The following PRDM16 variants were observed in gnomAD, a reference collection of about 807,000 sequenced individuals.
PRDM16 encodes the protein histone-lysine N-methyltransferase PRDM16.
PRDM16 carries 23 observed loss-of-function variants against 110.6 expected under a neutral mutation model. That is an observed-to-expected ratio of 0.21 (90% confidence interval 0.15 to 0.29). The LOEUF (loss-of-function observed/expected upper bound fraction) is 0.29, where lower values mean the gene tolerates loss of function less well. Ranked by LOEUF, PRDM16 falls within the 10% of genes least tolerant of loss-of-function variation. The pLI, the probability that PRDM16 is intolerant of heterozygous loss-of-function variation, is 1.00. For missense variants in PRDM16, 1,615 were observed against 1,794.3 expected (o/e 0.90, Z 1.81); for synonymous variants, 799 against 781.8 (o/e 1.02, Z -0.37).
Position 3,403,505 on chromosome 1 carries a change from G to C in PRDM16, c.884+507G>C, listed in dbSNP as rs372902354. ...TCAGATGGTAGGCAAGAGCCAGAAG[G>C]GGTCACCCCTATCCCCAAGGCACCA... On this transcript the variant is annotated intron_variant, in intron 6 of 16. Coordinates refer to ENST00000270722, the MANE Select transcript of PRDM16 (RefSeq NM_022114.4). 8.0e-4 allele frequency among the ~76,000 whole-genome samples: 122 copies of C among 152,318 alleles called. 1 individual carries two copies. Among genetic ancestry groups the C allele is most frequent in the African/African-American group, 2.4e-3 (101 of 41,578 alleles).
In PRDM16 at chr1:3,353,286, C is replaced by T. The variant is rs1454877257; in HGVS notation, c.439-31866C>T. ...GGCAGCTCCTAGGCATGGGCAGGCC[C>T]ATTTCTCACCTGCAGCCTGGGTCCC... On this transcript the variant is annotated intron_variant, in intron 3 of 16. Transcript: ENST00000270722. The surrounding 1 kb of genome is among the most constrained non-coding windows in gnomAD (Gnocchi z 5.4). 1.3e-5 allele frequency among the ~76,000 whole-genome samples: 2 copies of T among 152,226 alleles called. No individual in the cohort carries two copies. Among genetic ancestry groups the T allele is most frequent in the Non-Finnish European group, 2.9e-5 (2 of 68,030 alleles).
chr1:3,240,056 A>AGGAGG (rs1220138751), intron 2 of PRDM16, among the ~76,000 whole-genome samples: 2 of 103,398 alleles, frequency 1.9e-5, no homozygotes, highest in African/African-American at 8.2e-5. Context: ...AGGAGAGGAG[A>AGGAGG]AGAGGAGAGG....
At chr1:3,335,079 C>G (rs560315508) in intron 3 of PRDM16, among the ~76,000 whole-genome samples, 2 of 152,352 alleles carry the variant, frequency 1.3e-5, no homozygotes, top group Admixed American at 6.5e-5. Context: ...CAGGTTCCCC[C>G]CTGTGGCTTC....
chr1:3,079,143 C>G (rs1350346197), intron 1 of PRDM16, among the ~76,000 whole-genome samples: 3 of 152,246 alleles, frequency 2.0e-5, no homozygotes, highest in Non-Finnish European at 4.4e-5. Flanking sequence ...CTGGTGGAGC[C>G]GCGTCCCGGA....
chr1:3,245,393 A>C lies in PRDM16; in HGVS notation c.438+1256A>C, dbSNP rs114906320. ...CTGGGCAGAGCTATCCGCAAAGCACAGGGGGACCTGACCCTTCTCTCCAGG... is the reference window on the plus strand; with the variant it reads ...CTGGGCAGAGCTATCCGCAAAGCACCGGGGGACCTGACCCTTCTCTCCAGG... On this transcript the variant is annotated intron_variant, in intron 3 of 16. Coordinates refer to ENST00000270722, the MANE Select transcript of PRDM16 (RefSeq NM_022114.4). The surrounding 1 kb of genome is among the most constrained non-coding windows in gnomAD (Gnocchi z 4.7). 1.8e-3 allele frequency among the ~76,000 whole-genome samples: 276 copies of C among 152,356 alleles called. 1 individual carries two copies. Among genetic ancestry groups the C allele is most frequent in the African/African-American group, 5.8e-3 (240 of 41,582 alleles).
At chr1:3,229,923 G>T (rs1293518845) in intron 2 of PRDM16, among the ~76,000 whole-genome samples, 3 of 152,188 alleles carry the variant, frequency 2.0e-5, no homozygotes, top group Admixed American at 6.5e-5. Flanking sequence ...TAGAAAGCAA[G>T]GAAAGATGGT....
intron 3 of PRDM16, among the ~76,000 whole-genome samples, chr1:3,263,248 C>T (rs957469920): frequency 5.9e-5 from 9 of 152,176 alleles, no homozygotes; most frequent in Non-Finnish European, 8.8e-5. Flanking sequence ...GGCTGAGGGC[C>T]GGGACACTGT....
At chr1:3,341,378 C>G (rs1282572363) in intron 3 of PRDM16, among the ~76,000 whole-genome samples, 1 of 152,156 alleles carries the variant, frequency 6.6e-6, no homozygotes, top group East Asian at 1.9e-4. Context: ...TAGAGAGCTT[C>G]CCATCCAGAG....
chr1:3,103,213 CAGG>C (rs1447804153), intron 1 of PRDM16, among the ~76,000 whole-genome samples: 1 of 152,226 alleles, frequency 6.6e-6, no homozygotes, highest in Non-Finnish European at 1.5e-5. Flanking sequence ...GCTTAGACAG[CAGG>C]AGTTTGTTTT....
intron 3 of PRDM16, among the ~76,000 whole-genome samples, chr1:3,286,789 C>G (rs796940337): frequency 2.0e-5 from 3 of 152,332 alleles, no homozygotes; most frequent in African/African-American, 4.8e-5. Context: ...GAAACAGAGG[C>G]ACACAGAGTG....
intron 5 of PRDM16, 36 bp downstream of exon 5, chr1:3,396,629 G>A: frequency 1.0e-6 from 1 of 955,802 alleles, no homozygotes; most frequent in Middle Eastern, 3.2e-4. Flanking sequence ...CACGGCCCCT[G>A]GGAGCCCCCA....
intron 1 of PRDM16, among the ~76,000 whole-genome samples, chr1:3,164,877 G>C (rs765994162): frequency 3.3e-5 from 5 of 152,194 alleles, no homozygotes; most frequent in Non-Finnish European, 7.4e-5. Context: ...GGAGATGCAG[G>C]TGGGAAGGCC....
chr1:3,372,032 C>A (rs964498293), intron 3 of PRDM16, among the ~76,000 whole-genome samples: 5 of 152,224 alleles, frequency 3.3e-5, no homozygotes, highest in African/African-American at 1.2e-4. Flanking sequence ...GTGTCTGGTC[C>A]TCCTAAGGTC....
intron 8 of PRDM16, among the ~76,000 whole-genome samples, chr1:3,406,139 C>T (rs549100894): frequency 6.0e-4 from 92 of 152,278 alleles, no homozygotes; most frequent in African/African-American, 2.0e-3. Flanking sequence ...AGTGCGGGGG[C>T]CAGCCCTGAA....
At chr1:3,082,048 G>T (rs1435038869) in intron 1 of PRDM16, among the ~76,000 whole-genome samples, 1 of 152,166 alleles carries the variant, frequency 6.6e-6, no homozygotes, top group Non-Finnish European at 1.5e-5. Context: ...ATCGAACACC[G>T]CCAGCCTCCA....
chr1:3,322,674 A>C (rs984683193), intron 3 of PRDM16, among the ~76,000 whole-genome samples: 6 of 152,170 alleles, frequency 3.9e-5, no homozygotes, highest in Admixed American at 2.6e-4. Flanking sequence ...TGGGGTCCTT[A>C]GAGCTGCTTC....
rs144429817 is a variant in PRDM16 at position 3,431,746 on chromosome 1, C to T, written c.3522-220C>T. Among the ~76,000 whole-genome samples the T allele has an allele frequency of 1.8e-3, 275 of 152,374 alleles. 1 individual carries two copies. The highest frequency in any genetic ancestry group is 6.3e-3 in the African/African-American group (262 of 41,588). ...CTGCCTGCTGCCTGATGCGTGTGCA[C>T]GCACTCACCCCCTCCCTGACCTCTG... On this transcript the variant is annotated intron_variant, in intron 15 of 16. Coordinates refer to ENST00000270722, the MANE Select transcript of PRDM16 (RefSeq NM_022114.4).
At chr1:3,415,520 G>A (rs182522144) in intron 10 of PRDM16, among the ~76,000 whole-genome samples, 9 of 152,394 alleles carry the variant, frequency 5.9e-5, no homozygotes, top group Admixed American at 5.2e-4. Context: ...TTGTTTCCCC[G>A]GGGCCGTGGA....
intron 1 of PRDM16, among the ~76,000 whole-genome samples, chr1:3,159,356 C>G (rs1295796478): frequency 2.0e-5 from 3 of 152,252 alleles, no homozygotes; most frequent in African/African-American, 7.2e-5. Flanking sequence ...CCTCCACCAT[C>G]TGGAGGTGGG....
Sources: allele counts gnomAD v4.1 joint callset (sites outside exome capture counted in the v4.1 genomes callset), GRCh38; gene constraint gnomAD v4.1.1; non-coding constraint Gnocchi (gnomAD v3.1); transcripts MANE v1.5; gene names NCBI Gene and HGNC (gene_info 2026-07-23, HGNC 2026-07-21).